The following ACCSL variants were observed in gnomAD, a reference collection of about 807,000 sequenced individuals.
ACCSL encodes the protein probable inactive 1-aminocyclopropane-1-carboxylate synthase-like protein 2.
Under a neutral mutation model 61.7 loss-of-function variants are expected in ACCSL, and 55 were observed. The ratio of observed to expected loss-of-function variants is 0.89; its 90% CI spans 0.72 to 1.12. The LOEUF (loss-of-function observed/expected upper bound fraction) is 1.12. ACCSL is among the 50% of genes most tolerant of loss of function. The pLI, the probability that ACCSL is intolerant of heterozygous loss-of-function variation, is 0.00. For missense variants in ACCSL, 632 were observed against 698.0 expected (o/e 0.91, Z 1.07); for synonymous variants, 258 against 264.3 (o/e 0.98, Z 0.23).
chr11:43,972,894 G>A, the ACCSL span, among the ~76,000 whole-genome samples: 2 of 152,204 alleles, frequency 1.3e-5, no homozygotes, highest in Admixed American at 6.5e-5. Flanking sequence ...TGTAATCCTA[G>A]CACTTTGGGA....
the ACCSL span, among the ~76,000 whole-genome samples, chr11:43,972,120 C>T: frequency 6.6e-6 from 1 of 152,220 alleles, no homozygotes; most frequent in South Asian, 2.1e-4. Flanking sequence ...TAAGTGACTA[C>T]AGACCTTCAC....
the ACCSL span, among the ~76,000 whole-genome samples, chr11:44,026,011 T>C: frequency 7.0e-4 from 106 of 152,352 alleles, no homozygotes; most frequent in Non-Finnish European, 1.2e-3. Flanking sequence ...TGTGTCAAGG[T>C]GTGCAACCCT....
At chr11:44,018,201 G>A in the ACCSL span, among the ~76,000 whole-genome samples, 3 of 152,108 alleles carry the variant, frequency 2.0e-5, no homozygotes, top group African/African-American at 7.2e-5. Flanking sequence ...AGTACTTAAG[G>A]AGACCAAAGA....
chr11:43,980,386 A>G, the ACCSL span, among the ~76,000 whole-genome samples: 1 of 152,238 alleles, frequency 6.6e-6, no homozygotes, highest in African/African-American at 2.4e-5. Context: ...TTATGTTTTC[A>G]TCGTCAGCTG....
At chr11:44,014,128 G>A in the ACCSL span, among the ~76,000 whole-genome samples, 2 of 152,318 alleles carry the variant, frequency 1.3e-5, no homozygotes, top group South Asian at 2.1e-4. Context: ...GTTATATACC[G>A]CTGTGAAACA....
At chr11:43,961,745 C>T in the ACCSL span, among the ~76,000 whole-genome samples, 17 of 152,162 alleles carry the variant, frequency 1.1e-4, no homozygotes, top group Admixed American at 4.6e-4. Context: ...CTCCTCTCTC[C>T]TCTTTCTGAT....
chr11:44,052,587 C>A, intron 5 of ACCSL, 75 bp from the exon 6 acceptor site: 2 of 1,278,298 alleles, frequency 1.6e-6, no homozygotes, highest in Non-Finnish European at 2.3e-6. Context: ...GATAGCTTTG[C>A]TAGTTTGGGG....
At chr11:44,022,780 A>C in the ACCSL span, among the ~76,000 whole-genome samples, 2 of 152,052 alleles carry the variant, frequency 1.3e-5, no homozygotes, top group African/African-American at 4.8e-5. Flanking sequence ...TATTCATACG[A>C]GGTATTGGTC....
At chr11:44,040,214 T>TG in the ACCSL span, among the ~76,000 whole-genome samples, 1 of 152,232 alleles carries the variant, frequency 6.6e-6, no homozygotes, top group Non-Finnish European at 1.5e-5. Context: ...GTGTTTTAAT[T>TG]GGGAGTCCCT....
chr11:44,015,160 G>A, the ACCSL span, among the ~76,000 whole-genome samples: 3 of 152,222 alleles, frequency 2.0e-5, no homozygotes, highest in Middle Eastern at 3.2e-3. Context: ...CACACGTGTT[G>A]AATGCTGACT....
chr11:44,049,200 G>A lies in ACCSL; in HGVS notation c.504+660G>A, dbSNP rs748219326. On this transcript the variant is annotated intron_variant, in intron 1 of 13. Coordinates refer to ENST00000378832, the MANE Select transcript of ACCSL (RefSeq NM_001031854.2). ...TTTGGGAGGCCAAGGTTGGTGGATC[G>A]CTCAAGTCCAGGAATTCGAGACCAG... is the stretch of plus-strand genomic sequence containing the variant. Among the ~76,000 whole-genome samples, 7 of 151,962 alleles carry A rather than the reference G, an allele frequency of 4.6e-5. No individual in the cohort carries two copies. The East Asian group carries it at 5.8e-4, about 13-fold the overall frequency.
the ACCSL span, among the ~76,000 whole-genome samples, chr11:44,017,587 C>T: frequency 6.6e-6 from 1 of 152,160 alleles, no homozygotes; most frequent in African/African-American, 2.4e-5. Context: ...TCCTGAATGG[C>T]TCAAGTGTTC....
chr11:43,929,308 C>T, the ACCSL span, among the ~76,000 whole-genome samples: 1 of 152,346 alleles, frequency 6.6e-6, no homozygotes, highest in African/African-American at 2.4e-5. Context: ...CAGCCTTAAT[C>T]TCCTAAGCTC....
the ACCSL span, among the ~76,000 whole-genome samples, chr11:44,001,827 G>GTGTT: frequency 7.5e-6 from 1 of 133,988 alleles, no homozygotes; most frequent in Non-Finnish European, 1.6e-5. Context: ...GTGTGTGTGT[G>GTGTT]TGTAGAGGGT....
At chr11:44,059,028 G>A (rs972983436) in intron 13 of ACCSL, among the ~76,000 whole-genome samples, 1 of 152,090 alleles carries the variant, frequency 6.6e-6, no homozygotes, top group Non-Finnish European at 1.5e-5. Context: ...GGATCATGAG[G>A]TCAGGAGTTC....
the ACCSL span, among the ~76,000 whole-genome samples, chr11:43,947,788 G>T: frequency 6.6e-6 from 1 of 151,786 alleles, no homozygotes; most frequent in Non-Finnish European, 1.5e-5. Context: ...ACCCACAGGG[G>T]TAGGAAGGAG....
Position 44,056,345 on chromosome 11 carries a change from G to T in ACCSL, c.1327+19G>T. 6.2e-7 allele frequency: 1 copy of T among 1,608,314 alleles called. No homozygotes were observed. Among genetic ancestry groups the T allele is most frequent in the South Asian group, 1.1e-5 (1 of 90,234 alleles). On this transcript the variant is annotated intron_variant, in intron 11 of 13. Transcript: ENST00000378832. ...AACACAGGTACTGAGCTCTAGCACAGACCAGCATGTTGGCTGGACCTCATG... is the reference window on the plus strand; with the variant it reads ...AACACAGGTACTGAGCTCTAGCACATACCAGCATGTTGGCTGGACCTCATG...
At chr11:44,056,158 T>C (rs370812389) in intron 10 of ACCSL, 27 bp from the exon 11 acceptor site, 144 of 1,614,064 alleles carry the variant, frequency 8.9e-5, no homozygotes, top group Non-Finnish European at 1.2e-4. Flanking sequence ...AAAACACTTG[T>C]TCCTGTTCCT....
chr11:43,980,555 C>G, the ACCSL span, among the ~76,000 whole-genome samples: 1 of 152,156 alleles, frequency 6.6e-6, no homozygotes, highest in Non-Finnish European at 1.5e-5. Flanking sequence ...TGGGTGCTTT[C>G]ACTATTCTGT....
Sources: allele counts gnomAD v4.1 joint callset (sites outside exome capture counted in the v4.1 genomes callset), GRCh38; gene constraint gnomAD v4.1.1; transcripts MANE v1.5; gene names NCBI Gene and HGNC (gene_info 2026-07-23, HGNC 2026-07-21).